The following PRKAR1A variants were observed in gnomAD, a reference collection of about 807,000 sequenced individuals.
The protein encoded by PRKAR1A is protein kinase cAMP-dependent type I regulatory subunit alpha, also known as cAMP-dependent protein kinase type I-alpha regulatory subunit.
PRKAR1A carries 3 observed loss-of-function variants against 52.0 expected under a neutral mutation model. The ratio of observed to expected loss-of-function variants is 0.06; its 90% CI spans 0.03 to 0.15. PRKAR1A has a LOEUF of 0.15. Ranked by LOEUF, PRKAR1A falls within the 10% of genes least tolerant of loss-of-function variation. The pLI is 1.00. For missense variants in PRKAR1A, 240 were observed against 477.4 expected, an observed-to-expected ratio of 0.50 and a Z score of 4.63; for synonymous variants, 188 against 168.4, an observed-to-expected ratio of 1.12 and a Z score of -0.90.
chr17:68,503,818 G>A, the PRKAR1A span, among the ~76,000 whole-genome samples: 1 of 152,170 alleles, frequency 6.6e-6, no homozygotes, highest in Admixed American at 6.6e-5. Context: ...TCAGAGAAAC[G>A]CAGATCAAAA....
chr17:68,479,267 G>A, the PRKAR1A span, among the ~76,000 whole-genome samples: 24 of 151,834 alleles, frequency 1.6e-4, no homozygotes, highest in South Asian at 4.2e-4. Context: ...CTTCATCTTC[G>A]TACTGTGAGG....
At chr17:68,419,232 T>G in the PRKAR1A span, among the ~76,000 whole-genome samples, 1 of 152,110 alleles carries the variant, frequency 6.6e-6, no homozygotes, top group East Asian at 1.9e-4. Flanking sequence ...AAAATCAAAT[T>G]TACTCCTAAA....
chr17:68,468,798 G>A, the PRKAR1A span, among the ~76,000 whole-genome samples: 1 of 152,114 alleles, frequency 6.6e-6, no homozygotes, highest in Non-Finnish European at 1.5e-5. Flanking sequence ...TTCATGAAAG[G>A]TCAGTTCCAG....
downstream of PRKAR1A, chr17:68,537,534 G>A (rs762483955): frequency 2.4e-5 from 38 of 1,613,794 alleles, no homozygotes; most frequent in South Asian, 3.3e-5. The surrounding 1 kb of genome is among the most constrained non-coding windows in gnomAD (Gnocchi z 4.2). Flanking sequence ...CTGGGCCGTC[G>A]ACTATGACAC....
the PRKAR1A span, among the ~76,000 whole-genome samples, chr17:68,474,343 A>T: frequency 6.6e-6 from 1 of 152,156 alleles, no homozygotes; most frequent in Admixed American, 6.5e-5. Context: ...TGTGCTTCCT[A>T]ACAAATAAAA....
the PRKAR1A span, among the ~76,000 whole-genome samples, chr17:68,470,560 G>T: frequency 6.6e-6 from 1 of 152,158 alleles, no homozygotes; most frequent in South Asian, 2.1e-4. Context: ...GATATCCTTT[G>T]CTTAGCTTAA....
At chr17:68,415,060 T>G in the PRKAR1A span, among the ~76,000 whole-genome samples, 1 of 152,106 alleles carries the variant, frequency 6.6e-6, no homozygotes, top group East Asian at 1.9e-4. Context: ...TATTTCCTTT[T>G]GTCTGCTGGG....
the PRKAR1A span, among the ~76,000 whole-genome samples, chr17:68,487,152 G>T: frequency 6.6e-6 from 1 of 152,178 alleles, no homozygotes; most frequent in African/African-American, 2.4e-5. Flanking sequence ...GATTACAGGC[G>T]TGAGCCACTG....
chr17:68,524,463 G>A (rs2085719296), intron 5 of PRKAR1A, among the ~76,000 whole-genome samples: 1 of 152,032 alleles, frequency 6.6e-6, no homozygotes, highest in South Asian at 2.1e-4. Flanking sequence ...AAAGGTTCTA[G>A]GACTTCTATA....
chr17:68,542,768 ATCC>A, intron 11 of PRKAR1A: 1 of 1,614,108 alleles, frequency 6.2e-7, no homozygotes, highest in Non-Finnish European at 8.5e-7. Flanking sequence ...GACATTTACT[ATCC>A]TCCCCACTGT....
At chr17:68,435,467 C>T in the PRKAR1A span, among the ~76,000 whole-genome samples, 1 of 152,340 alleles carries the variant, frequency 6.6e-6, no homozygotes, top group East Asian at 1.9e-4. Context: ...ACCACACATG[C>T]AGAGGCCAGA....
chr17:68,486,472 T>C, the PRKAR1A span, among the ~76,000 whole-genome samples: 1 of 81,966 alleles, frequency 1.2e-5, no homozygotes, highest in African/African-American at 5.2e-5. Flanking sequence ...TTTCTTTCTC[T>C]CCTTCCTTCC....
At chr17:68,514,918 C>T (rs1031820060) in intron 1 of PRKAR1A, 4 of 196,158 alleles carry the variant, frequency 2.0e-5, no homozygotes, top group Non-Finnish European at 3.2e-5. Context: ...AGGATACTCC[C>T]ATGGGATAGA....
At chr17:68,457,392 C>T in the PRKAR1A span, 8 of 1,534,654 alleles carry the variant, frequency 5.2e-6, no homozygotes, top group African/African-American at 5.7e-5. Context: ...CAACCCCGCC[C>T]GGGGGAGCGT....
the PRKAR1A span, among the ~76,000 whole-genome samples, chr17:68,478,876 C>A: frequency 6.6e-6 from 1 of 152,172 alleles, no homozygotes; most frequent in South Asian, 2.1e-4. Context: ...TACAGGCACA[C>A]GCCACCATGT....
the PRKAR1A span, among the ~76,000 whole-genome samples, chr17:68,492,849 T>G: frequency 6.6e-6 from 1 of 152,184 alleles, no homozygotes; most frequent in Admixed American, 6.5e-5. Context: ...TCTCATTCCT[T>G]TTTTATGGCT....
At chr17:68,539,553 A>T (rs1488661311) in intron 11 of PRKAR1A, among the ~76,000 whole-genome samples, 1 of 152,238 alleles carries the variant, frequency 6.6e-6, no homozygotes, top group Non-Finnish European at 1.5e-5. Flanking sequence ...CAGTCAGATC[A>T]CAAAAGCATC....
At chr17:68,535,824 A>G (rs1463626236), downstream of PRKAR1A, 2 of 453,794 alleles carry the variant, frequency 4.4e-6, no homozygotes, top group East Asian at 6.9e-5. Flanking sequence ...TTTTTAAGCA[A>G]ACAAATTTGA....
the PRKAR1A span, among the ~76,000 whole-genome samples, chr17:68,481,547 A>G: frequency 6.6e-6 from 1 of 152,172 alleles, no homozygotes; most frequent in Non-Finnish European, 1.5e-5. Context: ...TAATAATCTA[A>G]TGCCCATGCT....
Sources: allele counts gnomAD v4.1 joint callset (sites outside exome capture counted in the v4.1 genomes callset), GRCh38; gene constraint gnomAD v4.1.1; non-coding constraint Gnocchi (gnomAD v3.1); transcripts MANE v1.5; gene names NCBI Gene and HGNC (gene_info 2026-07-23, HGNC 2026-07-21).